The following WDR59 variants were observed in gnomAD, a reference collection of about 807,000 sequenced individuals.
WDR59 encodes GATOR2 complex protein WDR59.
WDR59 carries 100 observed loss-of-function variants against 131.2 expected under a neutral mutation model. The ratio of observed to expected loss-of-function variants is 0.76; its 90% CI spans 0.65 to 0.90. WDR59 has a LOEUF of 0.90. WDR59 is among the 40% of genes least tolerant of loss of function. WDR59 has a pLI of 0.00. For synonymous variants in WDR59, 601 were observed against 466.2 expected (o/e 1.29, Z -3.72); for missense variants, 1,203 against 1,262.2 (o/e 0.95, Z 0.71).
At chr16:74,887,847 G>A (rs1964842969) in intron 22 of WDR59, 92 bp from the exon 23 acceptor site, 4 of 1,301,766 alleles carry the variant, frequency 3.1e-6, no homozygotes. Flanking sequence ...GCCAAGCACG[G>A]TGGCTCATGC....
intron 2 of WDR59, among the ~76,000 whole-genome samples, chr16:74,961,321 A>C (rs535204780): frequency 6.6e-6 from 1 of 152,240 alleles, no homozygotes; most frequent in South Asian, 2.1e-4. Flanking sequence ...CAACAACAAA[A>C]AAAACCCAAT....
At chr16:74,958,409 G>A (rs1291865119) in intron 2 of WDR59, among the ~76,000 whole-genome samples, 2 of 151,318 alleles carry the variant, frequency 1.3e-5, no homozygotes, top group African/African-American at 2.4e-5. Flanking sequence ...GGCCAACATG[G>A]TGAAACCCTG....
At chr16:74,960,051 C>T (rs894011223) in intron 2 of WDR59, among the ~76,000 whole-genome samples, 6 of 151,750 alleles carry the variant, frequency 4.0e-5, no homozygotes. Context: ...AAGTTTAGGC[C>T]GGGCGCAGTG....
intron 18 of WDR59, among the ~76,000 whole-genome samples, chr16:74,896,933 CA>C (rs1028977818): frequency 1.3e-5 from 2 of 152,160 alleles, no homozygotes; most frequent in Non-Finnish European, 2.9e-5. Flanking sequence ...AGGTCACAGC[CA>C]TCAGCGCTGA....
At chr16:74,977,946 G>C (rs1392634323) in intron 1 of WDR59, among the ~76,000 whole-genome samples, 1 of 152,190 alleles carries the variant, frequency 6.6e-6, no homozygotes, top group Non-Finnish European at 1.5e-5. Flanking sequence ...GGTGGCTCAT[G>C]CCTGTAATCC....
At chr16:74,886,008 CTG>C in intron 24 of WDR59, 2 of 675,202 alleles carry the variant, frequency 3.0e-6, no homozygotes, top group Non-Finnish European at 4.8e-6. Context: ...GAAACCCTGT[CTG>C]TACTAAAAAT....
At chr16:74,960,287 C>T (rs996019833) in intron 2 of WDR59, among the ~76,000 whole-genome samples, 1 of 151,448 alleles carries the variant, frequency 6.6e-6, no homozygotes, top group Non-Finnish European at 1.5e-5. Flanking sequence ...GCCGACATCG[C>T]GCCACTGCAC....
chr16:74,906,780 C>T (rs1965840862), intron 17 of WDR59, among the ~76,000 whole-genome samples: 1 of 152,178 alleles, frequency 6.6e-6, no homozygotes, highest in Non-Finnish European at 1.5e-5. Flanking sequence ...CAATGAAGTT[C>T]AAGAACAGGC....
In WDR59 at chr16:74,893,558, A is replaced by G; in HGVS notation, c.2000+121T>C. 3 of 1,051,840 alleles carry G rather than the reference A, an allele frequency of 2.9e-6. No individual in the cohort carries two copies. In the East Asian group the frequency reaches 7.7e-5, roughly 27 times the overall value. 65.2% of individuals were successfully genotyped at this position (1,051,840 alleles called of 1,614,324 possible). A position where few individuals can be genotyped will look rare whatever the true frequency, so the allele number is the denominator to read the frequency against. Reference sequence around the variant, plus strand: ...AATTTGTCCACAGCAACAGAAAGCTAATACATTGGGCTTTTCCTAAAACTG... The same window carrying G: ...AATTTGTCCACAGCAACAGAAAGCTGATACATTGGGCTTTTCCTAAAACTG... On this transcript the variant is annotated intron_variant, in intron 19 of 25. Coordinates refer to ENST00000262144, the MANE Select transcript of WDR59 (RefSeq NM_030581.4).
chr16:74,886,466 T>C, intron 23 of WDR59, 70 bp from the exon 24 acceptor site: 1 of 1,565,606 alleles, frequency 6.4e-7, no homozygotes, highest in Non-Finnish European at 8.6e-7. Flanking sequence ...AAGAGTCTCA[T>C]AAGACAGCAC....
Position 74,889,744 on chromosome 16 carries a change from G to C in WDR59, c.2154C>G (p.Pro718=), listed in dbSNP as rs1481939659. ...GPKSDPDLET[P]WARHPFGRQL... Reference sequence around the variant, plus strand: ...GCCGCCCAAATGGATGTCGAGCCCAGGGTGTTTCCAAATCTGGGTCAGATT... The same window carrying C: ...GCCGCCCAAATGGATGTCGAGCCCACGGTGTTTCCAAATCTGGGTCAGATT... Residue 718 remains proline (P), a synonymous_variant, in exon 21 of 26, where the codon CCC becomes CCG. Coordinates refer to ENST00000262144, the MANE Select transcript of WDR59 (RefSeq NM_030581.4). 2 of 1,614,038 alleles carry C rather than the reference G, an allele frequency of 1.2e-6. No individual in the cohort carries two copies. The highest frequency in any genetic ancestry group is 1.7e-6 in the Non-Finnish European group (2 of 1,180,038).
rs959970478 is a variant in WDR59, at chr16:74,874,099, G to A, written c.*110C>T. 1.2e-5 allele frequency: 11 copies of A among 882,108 alleles called. No homozygotes were observed. The highest frequency in any genetic ancestry group is 1.7e-5 in the South Asian group (1 of 59,524). The allele number at this position is 882,108 out of a possible 1,614,324, so 54.6% of individuals were successfully genotyped here. On this transcript the variant is annotated 3_prime_UTR_variant, in exon 26 of 26. Transcript: ENST00000262144. ...CGCAGTCCTTGGGGGATCATCCTCCGGTCTCACTGGGGACGAACCCAGGTT... is the reference window on the plus strand; with the variant it reads ...CGCAGTCCTTGGGGGATCATCCTCCAGTCTCACTGGGGACGAACCCAGGTT...
In WDR59 at chr16:74,911,012, C is replaced by A. The variant is rs934535083; in HGVS notation, c.1390-1095G>T. 4.6e-5 allele frequency among the ~76,000 whole-genome samples: 7 copies of A among 152,120 alleles called. No homozygotes were observed. In the East Asian group the frequency reaches 1.4e-3, roughly 29 times the overall value. ...CCGAGTCGCTGGGAATACAGGCATG[C>A]GCCACCACGCCTGGCTACTTTTTCT... On this transcript the variant is annotated intron_variant, in intron 14 of 25. Coordinates refer to ENST00000262144, the MANE Select transcript of WDR59 (RefSeq NM_030581.4).
chr16:74,921,513 T>C (rs1318205057), intron 10 of WDR59, among the ~76,000 whole-genome samples: 3 of 152,156 alleles, frequency 2.0e-5, no homozygotes. Context: ...TTTTTCTTTT[T>C]TGAGACAGAG....
At chr16:74,974,635 C>T (rs1288456767) in intron 1 of WDR59, among the ~76,000 whole-genome samples, 1 of 152,132 alleles carries the variant, frequency 6.6e-6, no homozygotes, top group African/African-American at 2.4e-5. Context: ...GAGAGCCTCC[C>T]TGTGCCTCAA....
At position 74,942,807 on chromosome 16, in the gene WDR59, T is replaced by C; in HGVS notation, c.465A>G (p.Lys155=). The change falls in exon 7 of 26, where the codon AAA becomes AAG. Residue 155 remains lysine, a synonymous_variant. Transcript: ENST00000262144. ...LSAVAGASQV[K]WNKKNANCLA... ...GGCAGTTAGCATTTTTTTTATTCCA[T>C]TTGACCTGGGAGGCACCCGCTGCAA... 17 of 1,612,952 alleles carry C rather than the reference T, an allele frequency of 1.1e-5. No individual in the cohort carries two copies. Among genetic ancestry groups the C allele is most frequent in the Non-Finnish European group, 1.4e-5 (17 of 1,179,690 alleles).
chr16:74,886,446 A>AAAATATC (rs1964770563), intron 23 of WDR59, 50 bp from the exon 24 acceptor site: 1 of 1,599,990 alleles, frequency 6.3e-7, no homozygotes, highest in African/African-American at 1.3e-5. Context: ...GAAGGCATGG[A>AAAATATC]AAATATCTGA....
intron 8 of WDR59, among the ~76,000 whole-genome samples, chr16:74,933,565 G>C (rs905811389): frequency 6.6e-6 from 1 of 151,892 alleles, no homozygotes; most frequent in Non-Finnish European, 1.5e-5. Context: ...TATATATCAA[G>C]ACTGCAATCA....
At chr16:74,927,870 A>C (rs560658763) in intron 8 of WDR59, among the ~76,000 whole-genome samples, 1 of 151,418 alleles carries the variant, frequency 6.6e-6, no homozygotes, top group East Asian at 1.9e-4. Flanking sequence ...GAAGGTATCA[A>C]GGATTCCTTT....
Sources: allele counts gnomAD v4.1 joint callset (sites outside exome capture counted in the v4.1 genomes callset), GRCh38; gene constraint gnomAD v4.1.1; transcripts MANE v1.5; gene names NCBI Gene and HGNC (gene_info 2026-07-23, HGNC 2026-07-21).